The following MRC2 variants were observed in gnomAD, a reference collection of about 807,000 sequenced individuals.
MRC2 encodes mannose receptor C-type 2, also known as C-type mannose receptor 2.
In MRC2, 84 loss-of-function variants were observed where a neutral mutation model predicts 206.2. The observed-to-expected ratio is 0.41, with a 90% confidence interval of 0.34 to 0.49. The LOEUF is 0.49. MRC2 is among the 20% of genes least tolerant of loss of function. MRC2 has a pLI of 0.31. For synonymous variants in MRC2, 798 were observed against 800.0 expected (o/e 1.00, Z 0.04); for missense variants, 1,676 against 2,001.5 (o/e 0.84, Z 3.10).
chr17:62,678,600 T>G lies in MRC2; in HGVS notation c.2149T>G (p.Tyr717Asp). The G allele has an allele frequency of 6.2e-7, 1 of 1,611,210 alleles. No homozygotes were observed. Among genetic ancestry groups the G allele is most frequent in the Non-Finnish European group, 8.5e-7 (1 of 1,179,174 alleles). Residue 717 changes from tyrosine (Y) to aspartate (D), a missense_variant, in exon 13 of 30, where the codon TAC becomes GAC. Physicochemically the swap from Tyr to Asp is radical, Grantham distance 160 (BLOSUM62 -3). Coordinates refer to ENST00000303375, the MANE Select transcript of MRC2 (RefSeq NM_006039.5). ...GGCCCAGCTGCTGAGCCTGGCCAGC[T>G]ACGAGGAGGAGCACTTTGTGGCCAA... ...LGAQLLSLASYEEEHFVANML... is the reference protein window; with the variant it reads ...LGAQLLSLASDEEEHFVANML...
Position 62,689,673 on chromosome 17 carries a change from C to T in MRC2, c.3486C>T (p.Tyr1162=), listed in dbSNP as rs371537484. The T allele has an allele frequency of 2.5e-5, 40 of 1,588,376 alleles. No individual in the cohort carries two copies. The highest frequency in any genetic ancestry group is 3.3e-5 in the Non-Finnish European group (38 of 1,167,696). Residue 1162 remains tyrosine (Y), a synonymous_variant, in exon 24 of 30, where the codon TAC becomes TAT. Coordinates refer to ENST00000303375, the MANE Select transcript of MRC2 (RefSeq NM_006039.5). ...AGAGCCGCAATGCCAGCCTGGCCTA[C>T]GTGCCCGACCCCTACACCCAGGCCT... is the stretch of plus-strand genomic sequence containing the variant. ...LCESRNASLA[Y]VPDPYTQAFL...
chr17:62,679,927 A>G (rs1055063315), intron 14 of MRC2, 25 bp downstream of exon 14: 19 of 1,590,166 alleles, frequency 1.2e-5, no homozygotes, highest in Non-Finnish European at 1.5e-5. Context: ...GGTACTTGGG[A>G]CTGCGAGGCC....
rs536288852 is a variant in MRC2, at chr17:62,676,412, T to C, written c.1715T>C (p.Ile572Thr). 8 of 1,614,048 alleles carry C rather than the reference T, an allele frequency of 5.0e-6. No homozygotes were observed. In the South Asian group the frequency reaches 7.7e-5, roughly 16 times the overall value. ...GAGCAGGCCTTCGTCAGCAGCCTCATCTACAACTGGGAGGGCGAGTACTTC... is the reference window on the plus strand; with the variant it reads ...GAGCAGGCCTTCGTCAGCAGCCTCACCTACAACTGGGAGGGCGAGTACTTC... Reference protein sequence around the residue: ...RFEQAFVSSLIYNWEGEYFWT... With the variant: ...RFEQAFVSSLTYNWEGEYFWT... Residue 572 changes from isoleucine (I) to threonine (T), a missense_variant, in exon 11 of 30, where the codon ATC becomes ACC. This residue lies in a region of MRC2 where 1,354 missense variants were observed against 1,636.6 expected (regional missense o/e 0.83). Transcript: ENST00000303375.
In MRC2 at chr17:62,688,481, CTG is replaced by C. The variant is rs781591740; in HGVS notation, c.3062-18_3062-17del. On this transcript the variant is annotated intron_variant, in intron 21 of 29. Transcript: ENST00000303375. ...ATAGCTATAGCAGAGTCACTCACAA[CTG>C]TCTTCTGGGGACCATAGCATTCATC... The C allele has an allele frequency of 1.9e-6, 3 of 1,614,058 alleles. No individual in the cohort carries two copies. In the African/African-American group the frequency reaches 4.0e-5, roughly 22 times the overall value.
Position 62,680,898 on chromosome 17 carries a change from G to T in MRC2, c.2572G>T (p.Ala858Ser), listed in dbSNP as rs775274461. Reference sequence around the variant, plus strand: ...GCAGCGCATCTGCACGTGGTTCCAGGCCGAGCTGACCTCGGTGCACAGCCA... The same window carrying T: ...GCAGCGCATCTGCACGTGGTTCCAGTCCGAGCTGACCTCGGTGCACAGCCA... ...QAQRICTWFQAELTSVHSQAE... is the reference protein window; with the variant it reads ...QAQRICTWFQSELTSVHSQAE... Residue 858 changes from alanine (A) to serine (S), a missense_variant, in exon 17 of 30, where the codon GCC (alanine) becomes TCC (serine). Coordinates refer to ENST00000303375, the MANE Select transcript of MRC2 (RefSeq NM_006039.5). The surrounding 1 kb of genome is among the most constrained non-coding windows in gnomAD (Gnocchi z 4.8). 1.2e-6 allele frequency: 2 copies of T among 1,613,106 alleles called. No individual in the cohort carries two copies. Among genetic ancestry groups the T allele is most frequent in the East Asian group, 4.5e-5 (2 of 44,898 alleles).
chr17:62,686,326 G>A (rs1032636750), intron 20 of MRC2, among the ~76,000 whole-genome samples: 3 of 152,076 alleles, frequency 2.0e-5, no homozygotes, highest in Admixed American at 6.6e-5. Flanking sequence ...GGTGGTGGGC[G>A]CCTGTAATCC....
rs191278349 is a variant in MRC2 at position 62,675,520 on chromosome 17, C to T, written c.1570-270C>T. ...GAGCCTGAAGGGCCATTCATCTTCC[C>T]GAGCCGGGTCACTGGCCGGTCGCTG... On this transcript the variant is annotated intron_variant, in intron 9 of 29. Coordinates refer to ENST00000303375, the MANE Select transcript of MRC2 (RefSeq NM_006039.5). This position sits in a 1 kb window ranked among gnomAD's most constrained non-coding sequence, Gnocchi z 4.1. Among the ~76,000 whole-genome samples the T allele has an allele frequency of 5.9e-5, 9 of 152,204 alleles. No homozygotes were observed. Among genetic ancestry groups the T allele is most frequent in the Non-Finnish European group, 1.2e-4 (8 of 68,032 alleles).
chr17:62,671,110 C>T lies in MRC2; in HGVS notation c.1118-539C>T, dbSNP rs183453204. Among the ~76,000 whole-genome samples the T allele has an allele frequency of 5.9e-5, 9 of 152,264 alleles. No homozygotes were observed. The highest frequency in any genetic ancestry group is 1.4e-4 in the African/African-American group (6 of 41,542). On this transcript the variant is annotated intron_variant, in intron 6 of 29. Coordinates refer to ENST00000303375, the MANE Select transcript of MRC2 (RefSeq NM_006039.5). This position sits in a 1 kb window ranked among gnomAD's most constrained non-coding sequence, Gnocchi z 4.5. ...TGATTGAGATAAGGTCTTGCTGTGT[C>T]GCCCAGGCTGGAGTTTAGTGGTGCA...
intron 6 of MRC2, among the ~76,000 whole-genome samples, chr17:62,669,504 C>A (rs1461139268): frequency 6.6e-6 from 1 of 151,548 alleles, no homozygotes; most frequent in Non-Finnish European, 1.5e-5. Context: ...GCGTGAGCCA[C>A]CGCACCCCGC....
In MRC2 at chr17:62,667,338, C is replaced by G. The variant is rs1191297778; in HGVS notation, c.974-52C>G. 1.3e-6 allele frequency: 2 copies of G among 1,530,578 alleles called. No individual in the cohort carries two copies. The highest frequency in any genetic ancestry group is 1.8e-6 in the Non-Finnish European group (2 of 1,141,020). 94.8% of individuals were successfully genotyped at this position (1,530,578 alleles called of 1,614,324 possible). ...AGGTTCTGAGCAGGGCCCCGGGAGC[C>G]ACGGTGTGAGCTTCTCTCTCCGGGG... On this transcript the variant is annotated intron_variant, in intron 5 of 29. Coordinates refer to ENST00000303375, the MANE Select transcript of MRC2 (RefSeq NM_006039.5). This position sits in a 1 kb window ranked among gnomAD's most constrained non-coding sequence, Gnocchi z 4.1.
In MRC2 at chr17:62,678,520, G is replaced by C; in HGVS notation, c.2069G>C (p.Arg690Pro). The change falls in exon 13 of 30, where the codon CGG becomes CCG. Residue 690 changes from arginine to proline, a missense_variant. Arg to Pro is a moderately radical substitution (Grantham distance 103). Around this residue, in one of 3 missense-constraint regions of MRC2, gnomAD observed 1,354 missense variants for 1,636.6 expected, o/e 0.83. Coordinates refer to ENST00000303375, the MANE Select transcript of MRC2 (RefSeq NM_006039.5). ...CCCCTGCAGGTGTTCAGCTCAGAGC[G>C]GCTGCAGGACAAGAAGAGCTGGGTC... ...RYCYKVFSSE[R>P]LQDKKSWVQA... 6.2e-7 allele frequency: 1 copy of C among 1,612,350 alleles called. No individual in the cohort carries two copies. The highest frequency in any genetic ancestry group is 8.5e-7 in the Non-Finnish European group (1 of 1,179,352).
At position 62,672,116 on chromosome 17, in the gene MRC2, G is replaced by C; in HGVS notation, c.1425G>C (p.Arg475=). The change falls in exon 8 of 30, where the codon CGG becomes CGC. Residue 475 remains arginine, a synonymous_variant. Coordinates refer to ENST00000303375, the MANE Select transcript of MRC2 (RefSeq NM_006039.5). The surrounding 1 kb of genome is among the most constrained non-coding windows in gnomAD (Gnocchi z 4.5). ...ACCCCTTTGAGCCCAACAACTTCCG[G>C]GACAGTCTGGAGGACTGTGTCACCA... ...HWHPFEPNNF[R]DSLEDCVTIW... The C allele has an allele frequency of 6.2e-7, 1 of 1,614,020 alleles. No homozygotes were observed. The highest frequency in any genetic ancestry group is 8.5e-7 in the Non-Finnish European group (1 of 1,180,024).
At chr17:62,656,896 C>T (rs1181451522) in intron 1 of MRC2, among the ~76,000 whole-genome samples, 1 of 152,204 alleles carries the variant, frequency 6.6e-6, no homozygotes, top group African/African-American at 2.4e-5. Context: ...TGTCCCGTTT[C>T]ACTCTGCTTC....
In MRC2 at chr17:62,666,689, G is replaced by A; in HGVS notation, c.860-68G>A. 6.4e-7 allele frequency: 1 copy of A among 1,566,112 alleles called. No homozygotes were observed. The highest frequency in any genetic ancestry group is 8.7e-7 in the Non-Finnish European group (1 of 1,153,396). On this transcript the variant is annotated intron_variant, in intron 4 of 29. Coordinates refer to ENST00000303375, the MANE Select transcript of MRC2 (RefSeq NM_006039.5). The surrounding 1 kb of genome is among the most constrained non-coding windows in gnomAD (Gnocchi z 5.0). ...GCCCTTTCCGCTTGTGGGTTGGGGA[G>A]AGGGCGATGGGGAGCGGGGGAGGCT...
intron 22 of MRC2, 23 bp downstream of exon 22, chr17:62,688,687 C>T: frequency 6.2e-7 from 1 of 1,611,544 alleles, no homozygotes; most frequent in South Asian, 1.1e-5. Context: ...TCCCTGTTCC[C>T]CTCCGCACCG....
chr17:62,682,009 A>G, intron 19 of MRC2, 72 bp downstream of exon 19: 1 of 1,345,100 alleles, frequency 7.4e-7, no homozygotes, highest in Non-Finnish European at 1.0e-6. Context: ...CCTGGGCAGA[A>G]GTCATCAGTC....
chr17:62,634,630 G>T (rs2088289454), intron 1 of MRC2, among the ~76,000 whole-genome samples: 1 of 151,834 alleles, frequency 6.6e-6, no homozygotes, highest in African/African-American at 2.4e-5. Context: ...TTTAGTTTTG[G>T]TGGGATTTGG....
chr17:62,627,941 C>A, intron 1 of MRC2, 21 bp downstream of exon 1: 3 of 1,403,376 alleles, frequency 2.1e-6, no homozygotes, highest in South Asian at 1.5e-5. Flanking sequence ...GCCAACTTGG[C>A]CAACTTCAGG....
intron 10 of MRC2, among the ~76,000 whole-genome samples, chr17:62,676,119 G>A (rs1568065866): frequency 6.6e-6 from 1 of 152,192 alleles, no homozygotes; most frequent in Admixed American, 6.5e-5. Context: ...GCAGGCACAG[G>A]TGTGGGCTGG....
Sources: gnomAD v4.1 joint callset for allele counts (sites outside exome capture counted in the v4.1 genomes callset) on GRCh38, gnomAD v4.1.1 for gene constraint, gnomAD v4.1.1 regional missense constraint, Gnocchi (gnomAD v3.1) non-coding constraint, MANE v1.5 for transcripts, NCBI Gene and HGNC (gene_info 2026-07-23, HGNC 2026-07-21) for gene names.